The following SHB variants were observed in gnomAD, a reference collection of about 807,000 sequenced individuals.
The protein encoded by SHB is SH2 domain-containing adapter protein B.
A neutral mutation model predicts 52.3 loss-of-function variants in SHB; 20 were observed. The observed-to-expected ratio is 0.38, with a 90% confidence interval of 0.27 to 0.56. SHB has a LOEUF of 0.56. Ranked by LOEUF, SHB falls within the 20% of genes least tolerant of loss-of-function variation. The pLI, the probability that SHB is intolerant of heterozygous loss-of-function variation, is 0.71. For synonymous variants in SHB, 397 were observed against 316.5 expected (o/e 1.25, Z -2.70); for missense variants, 825 against 723.3 (o/e 1.14, Z -1.61).
chr9:37,991,964 C>T (rs1189694730), intron 2 of SHB, among the ~76,000 whole-genome samples: 1 of 152,210 alleles, frequency 6.6e-6, no homozygotes, highest in Non-Finnish European at 1.5e-5. Flanking sequence ...GCTCCCACAC[C>T]AGAAACATGC....
At chr9:38,017,916 G>C (rs1821235580) in intron 1 of SHB, among the ~76,000 whole-genome samples, 1 of 152,142 alleles carries the variant, frequency 6.6e-6, no homozygotes, top group South Asian at 2.1e-4. Context: ...CACATAAACT[G>C]CTGTCAAACG....
intron 5 of SHB, among the ~76,000 whole-genome samples, chr9:37,933,007 A>C (rs564123531): frequency 6.6e-6 from 1 of 152,322 alleles, no homozygotes; most frequent in East Asian, 1.9e-4. Context: ...AAGAAGAAAA[A>C]AAATCCAGAG....
chr9:38,017,926 G>A (rs1457460438), intron 1 of SHB, among the ~76,000 whole-genome samples: 1 of 152,140 alleles, frequency 6.6e-6, no homozygotes, highest in East Asian at 1.9e-4. Context: ...GCTGTCAAAC[G>A]GAACAGTTCA....
intron 4 of SHB, among the ~76,000 whole-genome samples, chr9:37,949,042 TG>T (rs1306372239): frequency 6.6e-6 from 1 of 152,162 alleles, no homozygotes; most frequent in Non-Finnish European, 1.5e-5. Context: ...ATCATGGAGA[TG>T]AAGTGGCATA....
intron 5 of SHB, among the ~76,000 whole-genome samples, chr9:37,946,858 G>A (rs919496343): frequency 6.6e-6 from 1 of 152,200 alleles, no homozygotes; most frequent in East Asian, 1.9e-4. Context: ...GCACCCCAGA[G>A]GGTCCCTGGA....
intron 1 of SHB, among the ~76,000 whole-genome samples, chr9:38,067,458 G>C (rs2118209461): frequency 6.6e-6 from 1 of 152,314 alleles, no homozygotes; most frequent in South Asian, 2.1e-4. Flanking sequence ...ATACACGCTG[G>C]AGACAGCCGG....
chr9:37,924,130 C>T (rs1035368891), intron 5 of SHB, among the ~76,000 whole-genome samples: 14 of 152,314 alleles, frequency 9.2e-5, no homozygotes, highest in African/African-American at 3.1e-4. Context: ...GGTGGGTGAC[C>T]TGTCTAATGA....
chr9:38,039,718 C>A (rs1248337494), intron 1 of SHB, among the ~76,000 whole-genome samples: 1 of 152,248 alleles, frequency 6.6e-6, no homozygotes, highest in Admixed American at 6.5e-5. Flanking sequence ...ATAAGAAGTA[C>A]CTCAGGGAAG....
At chr9:37,979,355 C>T (rs557298674) in intron 2 of SHB, among the ~76,000 whole-genome samples, 2 of 152,246 alleles carry the variant, frequency 1.3e-5, no homozygotes, top group East Asian at 1.9e-4. Context: ...AAGACTAAAG[C>T]ACTTTCTTTA....
In SHB at chr9:37,918,703, T is replaced by A. The variant is rs1301259923; in HGVS notation, c.*1118A>T. 6.6e-6 allele frequency among the ~76,000 whole-genome samples: 1 copy of A among 151,962 alleles called. No homozygotes were observed. The highest frequency in any genetic ancestry group is 1.9e-4 in the East Asian group (1 of 5,154). ...TTGGGCAAATGACGTTCCTTCTCTG[T>A]CTCCCTTTCCCTACATGCCAAATAC... On this transcript the variant is annotated 3_prime_UTR_variant, in exon 6 of 6. Transcript: ENST00000377707.
In SHB at chr9:38,068,094, G is replaced by A. The variant is rs769993058; in HGVS notation, c.552C>T (p.Arg184=). The A allele has an allele frequency of 6.7e-7, 1 of 1,496,194 alleles. No homozygotes were observed. Among genetic ancestry groups the A allele is most frequent in the African/African-American group, 1.5e-5 (1 of 68,758 alleles). The allele number at this position is 1,496,194 out of a possible 1,614,324, so 92.7% of individuals were successfully genotyped here. ...CCGCGGCGCTCTCCACTTTGATGAG[G>A]CGGTGCTTGGGGGAGATGTAGCGCA... The part of the protein sequence containing the change: ...AEVRYISPKH[R]LIKVESAAGG... Residue 184 remains arginine, a synonymous_variant, in exon 1 of 6, where the codon CGC becomes CGT. Coordinates refer to ENST00000377707, the MANE Select transcript of SHB (RefSeq NM_003028.3).
At chr9:37,980,832 G>C (rs1430676527) in intron 2 of SHB, among the ~76,000 whole-genome samples, 2 of 152,206 alleles carry the variant, frequency 1.3e-5, no homozygotes, top group African/African-American at 4.8e-5. Flanking sequence ...TACATCCCCA[G>C]CTGAGCTCTT....
chr9:37,977,552 C>CT (rs1295708033), intron 2 of SHB, among the ~76,000 whole-genome samples: 8 of 152,122 alleles, frequency 5.3e-5, no homozygotes, highest in Non-Finnish European at 1.0e-4. Flanking sequence ...ATGATGCTTC[C>CT]TTTTTTTACC....
rs570842820 is a variant in SHB at position 38,059,349 on chromosome 9, T to G, written c.717+8580A>C. ...AAAACACTGGGCCTGAGTCACTCAG[T>G]GGGGCTCTAATTCTCTCTCCATCCC... is the stretch of plus-strand genomic sequence containing the variant. On this transcript the variant is annotated intron_variant, in intron 1 of 5. Transcript: ENST00000377707. 8.0e-4 allele frequency among the ~76,000 whole-genome samples: 121 copies of G among 151,218 alleles called. 1 individual carries two copies. Among genetic ancestry groups the G allele is most frequent in the African/African-American group, 2.8e-3 (114 of 41,228 alleles).
chr9:38,047,841 C>A (rs1195205950), intron 1 of SHB, among the ~76,000 whole-genome samples: 1 of 152,198 alleles, frequency 6.6e-6, no homozygotes, highest in Non-Finnish European at 1.5e-5. Flanking sequence ...CTATGCAGTT[C>A]CCGCACAGGT....
At chr9:38,046,807 CA>C (rs1343778165) in intron 1 of SHB, among the ~76,000 whole-genome samples, 1 of 152,220 alleles carries the variant, frequency 6.6e-6, no homozygotes, top group Non-Finnish European at 1.5e-5. Context: ...ACAGGCCTGA[CA>C]GTAAAAATCC....
chr9:37,975,559 G>A (rs964153063), intron 2 of SHB, among the ~76,000 whole-genome samples: 1 of 152,216 alleles, frequency 6.6e-6, no homozygotes, highest in Non-Finnish European at 1.5e-5. Context: ...CTGTCTAGAC[G>A]AGGTCCCAGA....
At chr9:38,013,185 T>C (rs1821164632) in intron 2 of SHB, among the ~76,000 whole-genome samples, 2 of 152,214 alleles carry the variant, frequency 1.3e-5, no homozygotes, top group South Asian at 4.1e-4. Flanking sequence ...CAAGCTAGGA[T>C]GCAAACACAG....
chr9:37,959,791 C>T (rs1011374685), intron 3 of SHB, among the ~76,000 whole-genome samples: 2 of 152,146 alleles, frequency 1.3e-5, no homozygotes, highest in African/African-American at 4.8e-5. Flanking sequence ...CCTTCCTGGA[C>T]CTCACCTCTC....
Sources: allele counts gnomAD v4.1 joint callset (sites outside exome capture counted in the v4.1 genomes callset), GRCh38; gene constraint gnomAD v4.1.1; transcripts MANE v1.5; gene names NCBI Gene and HGNC (gene_info 2026-07-23, HGNC 2026-07-21).